The following CLYBL variants were observed in gnomAD, a reference collection of about 807,000 sequenced individuals.
The protein encoded by CLYBL is citramalyl-CoA lyase, mitochondrial.
In CLYBL, 31 loss-of-function variants were observed where a neutral mutation model predicts 38.9. That is an observed-to-expected ratio of 0.80 (90% CI 0.60 to 1.08). The LOEUF (loss-of-function observed/expected upper bound fraction) is 1.08. Ranked by LOEUF, CLYBL falls within the 50% of genes least tolerant of loss-of-function variation. CLYBL has a pLI of 0.00. For synonymous variants in CLYBL, 171 were observed against 158.6 expected (o/e 1.08, Z -0.59); for missense variants, 434 against 411.6 (o/e 1.05, Z -0.47).
At chr13:99,840,317 G>C (rs1188621939) in intron 2 of CLYBL, among the ~76,000 whole-genome samples, 1 of 151,760 alleles carries the variant, frequency 6.6e-6, no homozygotes, top group Non-Finnish European at 1.5e-5. Context: ...CATTCAAAAA[G>C]GTTACATATG....
At chr13:99,772,321 A>G (rs749855644) in intron 1 of CLYBL, among the ~76,000 whole-genome samples, 8 of 152,224 alleles carry the variant, frequency 5.3e-5, no homozygotes, top group Non-Finnish European at 8.8e-5. Context: ...AACCTCAGCC[A>G]AAATAACATT....
At chr13:99,813,680 C>T (rs958421636) in intron 2 of CLYBL, among the ~76,000 whole-genome samples, 2 of 152,200 alleles carry the variant, frequency 1.3e-5, no homozygotes, top group Non-Finnish European at 2.9e-5. Flanking sequence ...ACAGGCTTGT[C>T]ACACAGAGTG....
chr13:99,814,545 A>G (rs1457934987), intron 2 of CLYBL, among the ~76,000 whole-genome samples: 1 of 152,090 alleles, frequency 6.6e-6, no homozygotes, highest in Admixed American at 6.6e-5. Context: ...CAACATGGTG[A>G]GAGAGATCCC....
chr13:99,694,640 G>A (rs1566612238), intron 1 of CLYBL, among the ~76,000 whole-genome samples: 2 of 152,154 alleles, frequency 1.3e-5, no homozygotes, highest in African/African-American at 4.8e-5. Context: ...TGGCCCGCTT[G>A]CTTCATTAAT....
intron 1 of CLYBL, among the ~76,000 whole-genome samples, chr13:99,657,961 G>C (rs8000435): frequency 0.14 from 22,060 of 152,142 alleles, 1,862 homozygotes; most frequent in African/African-American, 0.23. Context: ...CGCAGTCCGG[G>C]GCAGAACCCA....
chr13:99,776,865 T>G (rs559962629), intron 2 of CLYBL, among the ~76,000 whole-genome samples: 2 of 152,064 alleles, frequency 1.3e-5, no homozygotes, highest in African/African-American at 4.8e-5. Flanking sequence ...CACAGAGATA[T>G]CCAGTTCATG....
chr13:99,676,122 C>T (rs1188416838), intron 1 of CLYBL, among the ~76,000 whole-genome samples: 1 of 152,154 alleles, frequency 6.6e-6, no homozygotes, highest in Non-Finnish European at 1.5e-5. Context: ...TCCCATGGTG[C>T]TGGGATTACA....
chr13:99,653,418 C>T (rs1442029474), intron 1 of CLYBL, among the ~76,000 whole-genome samples: 1 of 152,092 alleles, frequency 6.6e-6, no homozygotes, highest in Non-Finnish European at 1.5e-5. Flanking sequence ...ACCCAGCACA[C>T]TTAGGTTCCA....
intron 1 of CLYBL, among the ~76,000 whole-genome samples, chr13:99,711,712 A>T (rs1388748686): frequency 6.8e-6 from 1 of 146,466 alleles, no homozygotes; most frequent in Non-Finnish European, 1.5e-5. Flanking sequence ...AGCTTTTTTT[A>T]TTTTTTATTT....
intron 2 of CLYBL, among the ~76,000 whole-genome samples, chr13:99,858,094 A>G (rs1263456067): frequency 6.6e-6 from 1 of 152,218 alleles, no homozygotes; most frequent in Non-Finnish European, 1.5e-5. Flanking sequence ...GCCAAAGCCA[A>G]GAAATAACAT....
At chr13:99,661,722 A>G (rs570649846) in intron 1 of CLYBL, among the ~76,000 whole-genome samples, 1 of 152,150 alleles carries the variant, frequency 6.6e-6, no homozygotes, top group African/African-American at 2.4e-5. Context: ...TTTTTAAAGT[A>G]TGATTTTGAT....
chr13:99,907,204 T>G (rs1438773616), intron 9 of CLYBL, among the ~76,000 whole-genome samples: 1 of 152,238 alleles, frequency 6.6e-6, no homozygotes, highest in African/African-American at 2.4e-5. Flanking sequence ...CTGGCTCTCC[T>G]GCTTCTTAGG....
intron 1 of CLYBL, among the ~76,000 whole-genome samples, chr13:99,712,173 G>A (rs1354288451): frequency 6.6e-6 from 1 of 152,124 alleles, no homozygotes; most frequent in Non-Finnish European, 1.5e-5. Flanking sequence ...TTCTGCTATG[G>A]AAGTTGAAGA....
chr13:99,794,366 G>A (rs1407732613), intron 2 of CLYBL, among the ~76,000 whole-genome samples: 1 of 152,056 alleles, frequency 6.6e-6, no homozygotes, highest in Non-Finnish European at 1.5e-5. Context: ...GTTGCAGTGA[G>A]CCAAGATTGC....
chr13:99,717,163 C>T (rs75253583), intron 1 of CLYBL, among the ~76,000 whole-genome samples: 17,227 of 151,578 alleles, frequency 0.11, 1,492 homozygotes, highest in East Asian at 0.43. Flanking sequence ...TGGTGGCTTA[C>T]GCCTGTAATC....
chr13:99,901,657 TGTTTG>T (rs766072099), downstream of CLYBL, among the ~76,000 whole-genome samples: 3 of 134,156 alleles, frequency 2.2e-5, no homozygotes, highest in African/African-American at 5.9e-5. Flanking sequence ...TTTTTTTTTT[TGTTTG>T]TTTGTTTGTT....
At chr13:99,825,974 A>G (rs1429425422) in intron 2 of CLYBL, among the ~76,000 whole-genome samples, 1 of 152,216 alleles carries the variant, frequency 6.6e-6, no homozygotes, top group East Asian at 1.9e-4. Context: ...CTGCCAGTAT[A>G]TCGTAACTCA....
intron 7 of CLYBL, among the ~76,000 whole-genome samples, chr13:99,880,068 A>ATTTTTTTT (rs1555324345): frequency 5.9e-5 from 6 of 101,188 alleles, no homozygotes; most frequent in African/African-American, 2.4e-4. Flanking sequence ...ATATATATAT[A>ATTTTTTTT]TTTTTTTTTT....
chr13:99,665,752 T>G (rs1473640758), intron 1 of CLYBL, among the ~76,000 whole-genome samples: 1 of 152,206 alleles, frequency 6.6e-6, no homozygotes, highest in Admixed American at 6.5e-5. Context: ...GGAGGTATTA[T>G]ATGTCCATGG....
Sources: gnomAD v4.1 joint callset for allele counts (sites outside exome capture counted in the v4.1 genomes callset) on GRCh38, gnomAD v4.1.1 for gene constraint, MANE v1.5 for transcripts, NCBI Gene and HGNC (gene_info 2026-07-23, HGNC 2026-07-21) for gene names.